Variants in NFIB observed in about 807,000 individuals in gnomAD.
The protein encoded by NFIB is nuclear factor I B, also known as nuclear factor 1 B-type.
A neutral mutation model predicts 61.5 loss-of-function variants in NFIB; 11 were observed. The ratio of observed to expected loss-of-function variants is 0.18; its 90% confidence interval spans 0.11 to 0.30. The LOEUF (loss-of-function observed/expected upper bound fraction) is 0.30. Among genes scored for constraint, NFIB ranks in the 10% least tolerant of loss-of-function variants. NFIB has a pLI of 1.00. For synonymous variants in NFIB, 260 were observed against 216.5 expected, an observed-to-expected ratio of 1.20 and a Z score of -1.76; for missense variants, 471 against 608.9, an observed-to-expected ratio of 0.77 and a Z score of 2.38.
chr9:14,102,582 T>A (rs1037201382), intron 10 of NFIB: 2 of 1,196,712 alleles, frequency 1.7e-6, no homozygotes, highest in African/African-American at 1.5e-5. Context: ...AATGAACACA[T>A]GCAAACTAGT....
the NFIB span, among the ~76,000 whole-genome samples, chr9:14,523,108 C>A: frequency 6.6e-6 from 1 of 151,830 alleles, no homozygotes; most frequent in Non-Finnish European, 1.5e-5. Flanking sequence ...TTTTCAGGGG[C>A]CTCCAGAGTA....
intron 2 of NFIB, among the ~76,000 whole-genome samples, chr9:14,211,896 AT>A (rs1165179594): frequency 6.6e-6 from 1 of 152,264 alleles, no homozygotes. Flanking sequence ...AAGAATAGAC[AT>A]TTAAAAGATT....
chr9:14,106,971 C>G (rs1031020660), intron 10 of NFIB, among the ~76,000 whole-genome samples: 1 of 152,032 alleles, frequency 6.6e-6, no homozygotes, highest in Non-Finnish European at 1.5e-5. Flanking sequence ...TTTACCTTCT[C>G]ACTTTTTTTT....
chr9:14,293,467 A>G (rs1424589427), intron 2 of NFIB, among the ~76,000 whole-genome samples: 1 of 152,210 alleles, frequency 6.6e-6, no homozygotes, highest in Non-Finnish European at 1.5e-5. Flanking sequence ...AAACTCAACA[A>G]TAATAAAGAA....
intron 1 of NFIB, among the ~76,000 whole-genome samples, chr9:14,346,360 C>T (rs1320148801): frequency 6.7e-6 from 1 of 150,102 alleles, no homozygotes; most frequent in Non-Finnish European, 1.5e-5. Context: ...AACGTCGCTC[C>T]GGACGGGCGT....
At chr9:14,279,338 GT>G (rs1446224026) in intron 2 of NFIB, among the ~76,000 whole-genome samples, 1 of 152,064 alleles carries the variant, frequency 6.6e-6, no homozygotes, top group Non-Finnish European at 1.5e-5. Context: ...ACTGAATCCT[GT>G]TTTCAACACT....
chr9:14,245,690 T>G (rs897456241), intron 2 of NFIB, among the ~76,000 whole-genome samples: 1 of 152,002 alleles, frequency 6.6e-6, no homozygotes, highest in Non-Finnish European at 1.5e-5. Flanking sequence ...CTGGCCAACA[T>G]GGCAAAACCC....
At chr9:14,272,338 C>G (rs1563963715) in intron 2 of NFIB, among the ~76,000 whole-genome samples, 1 of 152,086 alleles carries the variant, frequency 6.6e-6, no homozygotes, top group Non-Finnish European at 1.5e-5. Flanking sequence ...TAGAACATGA[C>G]TTAATAGGAT....
the NFIB span, among the ~76,000 whole-genome samples, chr9:14,519,991 T>C: frequency 6.6e-6 from 1 of 151,828 alleles, no homozygotes; most frequent in Non-Finnish European, 1.5e-5. Flanking sequence ...GTTCTCTACG[T>C]TATAAACATG....
intron 2 of NFIB, among the ~76,000 whole-genome samples, chr9:14,278,348 G>A (rs923900719): frequency 1.3e-5 from 2 of 152,202 alleles, no homozygotes; most frequent in East Asian, 1.9e-4. Context: ...TGAGTCGTGC[G>A]AAGCTACAGA....
intron 2 of NFIB, among the ~76,000 whole-genome samples, chr9:14,284,352 C>T (rs1318576128): frequency 6.6e-6 from 1 of 152,074 alleles, no homozygotes; most frequent in Non-Finnish European, 1.5e-5. Flanking sequence ...TGGATCTTTC[C>T]ATACATCTTC....
At chr9:14,185,210 C>T (rs887179417) in intron 2 of NFIB, among the ~76,000 whole-genome samples, 6 of 151,440 alleles carry the variant, frequency 4.0e-5, no homozygotes, top group African/African-American at 1.5e-4. Context: ...TGGGCAAGGG[C>T]ATATCATAAA....
At chr9:14,381,447 T>C (rs1239924633) in intron 1 of NFIB, among the ~76,000 whole-genome samples, 1 of 152,180 alleles carries the variant, frequency 6.6e-6, no homozygotes, top group African/African-American at 2.4e-5. Context: ...TGTCTCAGCC[T>C]CCCAAAGTGC....
chr9:14,158,090 G>A lies in NFIB; in HGVS notation c.617-2197C>T, dbSNP rs540897763. On this transcript the variant is annotated intron_variant, in intron 3 of 10. Transcript: ENST00000380953. ...GGAGCCATTGCATTCCAGTCTGGGCGACAGAACAAGACTCCATCTCAAAAA... is the reference window on the plus strand; with the variant it reads ...GGAGCCATTGCATTCCAGTCTGGGCAACAGAACAAGACTCCATCTCAAAAA... Among the ~76,000 whole-genome samples, 15 of 131,078 alleles carry A rather than the reference G, an allele frequency of 1.1e-4. 1 individual carries two copies. Among genetic ancestry groups the A allele is most frequent in the Admixed American group, 7.8e-4 (9 of 11,568 alleles). The allele number at this position is 131,078 out of a possible 152,430, so 86.0% of individuals were successfully genotyped here. A position where few individuals can be genotyped will look rare whatever the true frequency, so the allele number is the denominator to read the frequency against.
intron 2 of NFIB, among the ~76,000 whole-genome samples, chr9:14,226,655 T>G (rs1370232811): frequency 6.6e-6 from 1 of 152,182 alleles, no homozygotes; most frequent in East Asian, 1.9e-4. Context: ...TCCAGATAAT[T>G]GCTAATCACA....
At chr9:14,489,991 T>C in the NFIB span, among the ~76,000 whole-genome samples, 1 of 152,154 alleles carries the variant, frequency 6.6e-6, no homozygotes, top group Non-Finnish European at 1.5e-5. Flanking sequence ...AAAATGAACA[T>C]CTTTGTACAT....
At chr9:14,280,734 T>G (rs769918373) in intron 2 of NFIB, among the ~76,000 whole-genome samples, 3 of 152,112 alleles carry the variant, frequency 2.0e-5, no homozygotes, top group Non-Finnish European at 4.4e-5. Context: ...CCTTGGAGGA[T>G]GCACCTATTT....
At chr9:14,359,390 A>G (rs565748395) in intron 1 of NFIB, among the ~76,000 whole-genome samples, 19 of 152,244 alleles carry the variant, frequency 1.2e-4, no homozygotes, top group Non-Finnish European at 1.9e-4. Flanking sequence ...CCAAAGAGAC[A>G]TAAAGATAAG....
rs1401847842 is a variant in NFIB at position 14,162,253 on chromosome 9, T to TG, written c.617-6361_617-6360insC. 3.9e-5 allele frequency among the ~76,000 whole-genome samples: 6 copies of TG among 152,224 alleles called. No homozygotes were observed. The East Asian group carries it at 9.6e-4, about 24-fold the overall frequency. On this transcript the variant is annotated intron_variant, in intron 3 of 10. Coordinates refer to ENST00000380953, the MANE Select transcript of NFIB (RefSeq NM_001190737.2). ...TGGCTATGAATTTATCACTGATTTT[T>TG]TTTTCTCATTATCTGAAAAAGTACT... is the stretch of plus-strand genomic sequence containing the variant.
Sources: allele counts gnomAD v4.1 joint callset (sites outside exome capture counted in the v4.1 genomes callset), GRCh38; gene constraint gnomAD v4.1.1; transcripts MANE v1.5; gene names NCBI Gene and HGNC (gene_info 2026-07-23, HGNC 2026-07-21).